IBA57: variants seen among roughly 807,000 people sequenced by gnomAD.
IBA57 encodes iron-sulfur cluster assembly factor IBA57, mitochondrial.
In IBA57, 20 loss-of-function variants were observed where a neutral mutation model predicts 20.4. That is an observed-to-expected ratio of 0.98 (90% CI 0.69 to 1.42). IBA57 has a LOEUF of 1.42. Ranked by LOEUF, IBA57 falls within the 40% of genes most tolerant of loss-of-function variation. The pLI is 0.00. For synonymous variants in IBA57, 310 were observed against 233.9 expected (o/e 1.33, Z -2.97); for missense variants, 608 against 499.3 (o/e 1.22, Z -2.07).
At position 228,182,063 on chromosome 1, in the gene IBA57, A is replaced by G. The variant is rs2035119980; in HGVS notation, c.*6550A>G. ...GCATTTGTGGGAGAAATGAAGGATT[A>G]ATACATTTTGTTTTATGTCAGACTC... On this transcript the variant is annotated 3_prime_UTR_variant, in exon 3 of 3. Coordinates refer to ENST00000366711, the MANE Select transcript of IBA57 (RefSeq NM_001010867.4). The G allele has an allele frequency of 6.6e-6, 1 of 152,264 alleles. No homozygotes were observed. The highest frequency in any genetic ancestry group is 2.4e-5 in the African/African-American group (1 of 41,556). The allele number at this position is 152,264 out of a possible 1,614,324, so 9.4% of individuals were successfully genotyped here. A position where few individuals can be genotyped will look rare whatever the true frequency, so the allele number is the denominator to read the frequency against.
intron 1 of IBA57, chr1:228,171,077 A>G (rs1293119780): frequency 6.6e-6 from 1 of 152,234 alleles, no homozygotes; most frequent in African/African-American, 2.4e-5. Flanking sequence ...CTGTAGGTGC[A>G]TCCTATGCGG....
intron 1 of IBA57, among the ~76,000 whole-genome samples, chr1:228,174,141 C>T (rs993277163): frequency 1.3e-5 from 2 of 149,124 alleles, no homozygotes; most frequent in South Asian, 2.1e-4. Flanking sequence ...GTGGGCGTGG[C>T]TCGCTGTGGG....
Position 228,174,963 on chromosome 1 carries a change from C to T in IBA57, c.613C>T (p.Pro205Ser). 1.3e-6 allele frequency: 2 copies of T among 1,565,782 alleles called. No homozygotes were observed. The highest frequency in any genetic ancestry group is 1.7e-4 in the Middle Eastern group (1 of 5,776). Residue 205 changes from proline to serine, a missense_variant, in exon 2 of 3, where the codon CCA (proline) becomes TCA (serine). Coordinates refer to ENST00000366711, the MANE Select transcript of IBA57 (RefSeq NM_001010867.4). ...GWRLLTQDEG[P>S]ALVPGGRLGD... ...GCGGCTCCTCACCCAGGATGAAGGC[C>T]CAGCCCTGGTGCCCGGGGGCCGGCT...
At position 228,180,953 on chromosome 1, in the gene IBA57, A is replaced by G. The variant is rs1364455983; in HGVS notation, c.*5440A>G. On this transcript the variant is annotated 3_prime_UTR_variant, in exon 3 of 3. Coordinates refer to ENST00000366711, the MANE Select transcript of IBA57 (RefSeq NM_001010867.4). ...GGACCACAGGTGCATGCTAATTTTT[A>G]AAATTTTTTGTTTTTAAATGCTGGT... 6.6e-6 allele frequency: 1 copy of G among 151,598 alleles called. No individual in the cohort carries two copies. The highest frequency in any genetic ancestry group is 2.4e-5 in the African/African-American group (1 of 41,166). 9.4% of individuals were successfully genotyped at this position (151,598 alleles called of 1,614,324 possible).
At chr1:228,171,439 A>T (rs2034926515) in intron 1 of IBA57, 1 of 152,244 alleles carries the variant, frequency 6.6e-6, no homozygotes, top group Non-Finnish European at 1.5e-5. Context: ...CGGCACAGAG[A>T]GCTGGAAAGT....
At chr1:228,166,182 CGG>C (rs1378686952) in intron 1 of IBA57, 25 bp downstream of exon 1, 1 of 1,162,558 alleles carries the variant, frequency 8.6e-7, no homozygotes, top group South Asian at 1.7e-5. Context: ...GGAGGGCGCT[CGG>C]GGGCGGGCAC....
Position 228,166,125 on chromosome 1 carries a change from G to C in IBA57, c.309G>C (p.Gln103His), listed in dbSNP as rs1159418638. The change falls in exon 1 of 3, where the codon CAG becomes CAC. Residue 103 changes from glutamine to histidine, a missense_variant. Gln to His is a conservative substitution (Grantham distance 24). Transcript: ENST00000366711. ...GCTACGCCCACTTCCTGAACGTGCA[G>C]GGCCGGACGCTCTATGACGTCATCT... is the stretch of plus-strand genomic sequence containing the variant. ...RAGYAHFLNV[Q>H]GRTLYDVILY... 4.6e-6 allele frequency: 7 copies of C among 1,534,984 alleles called. No homozygotes were observed. The South Asian group carries it at 7.3e-5, about 16-fold the overall frequency.
rs1377813001 is a variant in IBA57, at chr1:228,175,374, G to C, written c.932G>C (p.Arg311Thr). 1 of 1,613,012 alleles carries C rather than the reference G, an allele frequency of 6.2e-7. No individual in the cohort carries two copies. Among genetic ancestry groups the C allele is most frequent in the Non-Finnish European group, 8.5e-7 (1 of 1,179,996 alleles). ...TASGQTVGKF[R>T]AGQGNVGLAL... ...TCAGGACAGACTGTGGGCAAGTTCA[G>C]GGCTGGCCAGGGCAACGTGGGGCTG... Residue 311 changes from arginine to threonine, a missense_variant, in exon 3 of 3, where the codon AGG becomes ACG. Coordinates refer to ENST00000366711, the MANE Select transcript of IBA57 (RefSeq NM_001010867.4).
At position 228,175,216 on chromosome 1, in the gene IBA57, C is replaced by T. The variant is rs917554901; in HGVS notation, c.774C>T (p.Gly258=). The change falls in exon 3 of 3, where the codon GGC becomes GGT. Residue 258 remains glycine (G), a synonymous_variant. Coordinates refer to ENST00000366711, the MANE Select transcript of IBA57 (RefSeq NM_001010867.4). ...TGAACGGCGTGAGCTTCACCAAAGG[C>T]TGCTACATTGGCCAGGAGCTGACGG... is the stretch of plus-strand genomic sequence containing the variant. The part of the protein sequence containing the change: ...AFMNGVSFTK[G]CYIGQELTAR... 6.2e-7 allele frequency: 1 copy of T among 1,612,936 alleles called. No individual in the cohort carries two copies. Among genetic ancestry groups the T allele is most frequent in the Non-Finnish European group, 8.5e-7 (1 of 1,179,992 alleles).
At position 228,178,563 on chromosome 1, in the gene IBA57, A is replaced by C. The variant is rs1365497830; in HGVS notation, c.*3050A>C. The C allele has an allele frequency of 6.6e-6, 1 of 151,988 alleles. No homozygotes were observed. The highest frequency in any genetic ancestry group is 1.9e-4 in the East Asian group (1 of 5,166). The allele number at this position is 151,988 out of a possible 1,614,324, so 9.4% of individuals were successfully genotyped here. On this transcript the variant is annotated 3_prime_UTR_variant, in exon 3 of 3. Coordinates refer to ENST00000366711, the MANE Select transcript of IBA57 (RefSeq NM_001010867.4). ...GCCACTGCACTCCAGCCTGGGCAAC[A>C]GAGCAAGACCCTGTCTTAAAACAAA...
chr1:228,168,958 G>A (rs944026148), intron 1 of IBA57, among the ~76,000 whole-genome samples: 5 of 152,162 alleles, frequency 3.3e-5, no homozygotes, highest in African/African-American at 1.2e-4. Context: ...ACACAACAAG[G>A]TTACCTCCTT....
In IBA57 at chr1:228,166,165, C is replaced by T. The variant is rs1158143269; in HGVS notation, c.341+8C>T. On this transcript the variant is annotated splice_region_variant and intron_variant, in intron 1 of 2. Coordinates refer to ENST00000366711, the MANE Select transcript of IBA57 (RefSeq NM_001010867.4). ...TGACGTCATCTTGTACGGGTGAGCG[C>T]GTGCTGGGAGGGCGCTCGGGGGCGG... 6 of 1,447,276 alleles carry T rather than the reference C, an allele frequency of 4.1e-6. No homozygotes were observed. The highest frequency in any genetic ancestry group is 5.7e-5 in the East Asian group (2 of 35,024). The allele number at this position is 1,447,276 out of a possible 1,614,324, so 89.7% of individuals were successfully genotyped here.
At position 228,165,886 on chromosome 1, in the gene IBA57, C is replaced by T; in HGVS notation, c.70C>T (p.Arg24Cys). The T allele has an allele frequency of 7.4e-7, 1 of 1,343,428 alleles. No individual in the cohort carries two copies. The allele number at this position is 1,343,428 out of a possible 1,614,324, so 83.2% of individuals were successfully genotyped here. The stretch of plus-strand genomic sequence containing the variant: ...CGGCCCGGTCTGGCGCTGGCGGCTG[C>T]GCGCGGCCCCAAGGTGCCGCCTGGC... Reference protein sequence around the residue: ...RGGPVWRWRLRAAPRCRLAHS... With the variant: ...RGGPVWRWRLCAAPRCRLAHS... Residue 24 changes from arginine to cysteine, a missense_variant, in exon 1 of 3, where the codon CGC becomes TGC. By Grantham distance (180) the Arg-to-Cys change is radical. Transcript: ENST00000366711.
In IBA57 at chr1:228,172,085, T is replaced by A. The variant is rs1464866537; in HGVS notation, c.342-2607T>A. ...AGCTCCTTGTTTTTTTTTTTTGTTG[T>A]TGTTGTTGTTGTTTTTTCACTTCTT... On this transcript the variant is annotated intron_variant, in intron 1 of 2. Coordinates refer to ENST00000366711, the MANE Select transcript of IBA57 (RefSeq NM_001010867.4). 5.4e-5 allele frequency: 8 copies of A among 149,206 alleles called. No homozygotes were observed. In the East Asian group the frequency reaches 1.4e-3, roughly 25 times the overall value. 9.2% of individuals were successfully genotyped at this position (149,206 alleles called of 1,614,324 possible).
In IBA57 at chr1:228,175,570, C is replaced by G; in HGVS notation, c.*57C>G. 6.6e-7 allele frequency: 1 copy of G among 1,513,810 alleles called. No individual in the cohort carries two copies. The highest frequency in any genetic ancestry group is 2.3e-5 in the East Asian group (1 of 43,992). The allele number at this position is 1,513,810 out of a possible 1,614,324, so 93.8% of individuals were successfully genotyped here. On this transcript the variant is annotated 3_prime_UTR_variant, in exon 3 of 3. Coordinates refer to ENST00000366711, the MANE Select transcript of IBA57 (RefSeq NM_001010867.4). ...GAGGCTGGGGCCTGGGGCCTTTGGC[C>G]TCTGTCCAGGGTCTTCCCGTCCCAT...
At chr1:228,174,161 C>T (rs1298625361) in intron 1 of IBA57, among the ~76,000 whole-genome samples, 2 of 133,048 alleles carry the variant, frequency 1.5e-5, no homozygotes, top group Non-Finnish European at 3.2e-5. Flanking sequence ...GCGTGGCTCG[C>T]TGTGGGCGTG....
chr1:228,173,517 A>C (rs2034956093), intron 1 of IBA57: 1 of 150,152 alleles, frequency 6.7e-6, no homozygotes. Flanking sequence ...CCTGGAGTGC[A>C]GGTCAGAATG....
rs949667341 is a variant in IBA57, at chr1:228,180,480, G to A, written c.*4967G>A. ...GTGTTCTAAAGTCCCCCTACTGGTC[G>A]GAAGGAGGGCACGGACACTGACTTC... On this transcript the variant is annotated 3_prime_UTR_variant, in exon 3 of 3. Coordinates refer to ENST00000366711, the MANE Select transcript of IBA57 (RefSeq NM_001010867.4). The A allele has an allele frequency of 3.3e-5, 5 of 152,146 alleles. No homozygotes were observed. The highest frequency in any genetic ancestry group is 6.5e-5 in the Admixed American group (1 of 15,276). 9.4% of individuals were successfully genotyped at this position (152,146 alleles called of 1,614,324 possible).
chr1:228,174,660 G>C (rs2034977810), intron 1 of IBA57, 32 bp from the exon 2 acceptor site: 1 of 1,486,366 alleles, frequency 6.7e-7, no homozygotes. Context: ...CAGTTGGTGA[G>C]CTGCCATGCG....
Sources: gnomAD v4.1 joint callset for allele counts (sites outside exome capture counted in the v4.1 genomes callset) on GRCh38, gnomAD v4.1.1 for gene constraint, MANE v1.5 for transcripts, NCBI Gene and HGNC (gene_info 2026-07-23, HGNC 2026-07-21) for gene names.